The following RANBP2 variants were observed in gnomAD, a reference collection of about 807,000 sequenced individuals.
RANBP2 encodes E3 SUMO-protein ligase RanBP2.
In RANBP2, 57 loss-of-function variants were observed where a neutral mutation model predicts 303.6. The observed-to-expected ratio is 0.19, with a 90% CI of 0.15 to 0.23. The LOEUF (loss-of-function observed/expected upper bound fraction) is 0.23, where lower values mean the gene tolerates loss of function less well. Ranked by LOEUF, RANBP2 falls within the 10% of genes least tolerant of loss-of-function variation. The pLI, the probability that RANBP2 is intolerant of heterozygous loss-of-function variation, is 1.00. For synonymous variants in RANBP2, 1,167 were observed against 1,301.5 expected (o/e 0.90, Z 2.23); for missense variants, 3,138 against 3,780.8 (o/e 0.83, Z 4.46).
At chr2:108,962,621 G>A in the RANBP2 span, among the ~76,000 whole-genome samples, 2 of 144,352 alleles carry the variant, frequency 1.4e-5, no homozygotes, top group African/African-American at 5.2e-5. Context: ...CTTGCAGAGA[G>A]CCGAGATCGC....
chr2:109,426,578 T>G, the RANBP2 span, among the ~76,000 whole-genome samples: 1 of 152,176 alleles, frequency 6.6e-6, no homozygotes, highest in African/African-American at 2.4e-5. Flanking sequence ...AGAAAGTAGT[T>G]TCTTGAGATA....
At chr2:109,462,880 A>G in the RANBP2 span, among the ~76,000 whole-genome samples, 84,188 of 152,038 alleles carry the variant, frequency 0.55, 23,473 homozygotes, top group Admixed American at 0.57. Flanking sequence ...CCATAGTGAC[A>G]TTTGGCTCTC....
the RANBP2 span, among the ~76,000 whole-genome samples, chr2:109,350,535 G>C: frequency 4.3e-3 from 658 of 152,292 alleles, 2 homozygotes; most frequent in Non-Finnish European, 7.6e-3. Flanking sequence ...GGCGAGGTCG[G>C]GCAGAGATTG....
At chr2:109,079,750 C>T in the RANBP2 span, among the ~76,000 whole-genome samples, 3 of 152,204 alleles carry the variant, frequency 2.0e-5, no homozygotes, top group African/African-American at 7.2e-5. Context: ...CCACCCAGCT[C>T]AGCCTGGGTT....
At chr2:108,786,970 G>A (rs558688846), downstream of RANBP2, 72 of 1,256,056 alleles carry the variant, frequency 5.7e-5, no homozygotes, top group Non-Finnish European at 7.4e-5. Context: ...GGGGCGGCCC[G>A]CTCCGTGCCC....
At chr2:108,887,357 C>T in the RANBP2 span, among the ~76,000 whole-genome samples, 1 of 151,994 alleles carries the variant, frequency 6.6e-6, no homozygotes, top group Non-Finnish European at 1.5e-5. Flanking sequence ...TGACTTTGAG[C>T]TCTTTTTCTG....
chr2:108,794,503 A>C, the RANBP2 span: 1 of 1,547,222 alleles, frequency 6.5e-7, no homozygotes, highest in Non-Finnish European at 8.8e-7. Flanking sequence ...ACAATAAGTT[A>C]ATAAAGTTTA....
At chr2:109,048,761 T>C in the RANBP2 span, among the ~76,000 whole-genome samples, 1 of 152,216 alleles carries the variant, frequency 6.6e-6, no homozygotes, top group Admixed American at 6.5e-5. Context: ...TCACTTTTCA[T>C]GTGGGTTGGA....
chr2:109,118,372 C>T, the RANBP2 span, among the ~76,000 whole-genome samples: 1 of 151,890 alleles, frequency 6.6e-6, no homozygotes, highest in Non-Finnish European at 1.5e-5. Flanking sequence ...GATTTTCTGG[C>T]AAAGAGCAAA....
At chr2:108,831,737 C>CTTCCTTCCTTCCTTCT in the RANBP2 span, among the ~76,000 whole-genome samples, 7 of 151,798 alleles carry the variant, frequency 4.6e-5, no homozygotes, top group South Asian at 1.5e-3. Flanking sequence ...TCCTTCCTTC[C>CTTCCTTCCTTCCTTCT]GTCCTTCCTG....
chr2:109,569,365 AG>A, the RANBP2 span, among the ~76,000 whole-genome samples: 3 of 150,702 alleles, frequency 2.0e-5, no homozygotes, highest in South Asian at 6.3e-4. Flanking sequence ...CAGGAGGCAG[AG>A]GTTGCAGTGA....
At chr2:109,630,028 T>C in the RANBP2 span, among the ~76,000 whole-genome samples, 1 of 151,918 alleles carries the variant, frequency 6.6e-6, no homozygotes, top group Non-Finnish European at 1.5e-5. Context: ...ATAACTACAG[T>C]GCAAGAAAGA....
chr2:109,064,745 AT>A, the RANBP2 span, among the ~76,000 whole-genome samples: 1 of 152,148 alleles, frequency 6.6e-6, no homozygotes, highest in Admixed American at 6.5e-5. Flanking sequence ...TGTGGGTTGT[AT>A]TTGATGGATA....
At chr2:109,322,553 G>C in the RANBP2 span, among the ~76,000 whole-genome samples, 3,151 of 152,288 alleles carry the variant, frequency 0.021, 55 homozygotes, top group Non-Finnish European at 0.029. Flanking sequence ...GTGTAATAGT[G>C]TGCACTGATT....
chr2:109,606,081 C>CTA, the RANBP2 span, among the ~76,000 whole-genome samples: 1 of 152,172 alleles, frequency 6.6e-6, no homozygotes, highest in Non-Finnish European at 1.5e-5. Context: ...ATCCAAAAAA[C>CTA]TAGAGATAAC....
the RANBP2 span, among the ~76,000 whole-genome samples, chr2:109,284,688 A>T: frequency 1.3e-5 from 2 of 151,826 alleles, no homozygotes; most frequent in Non-Finnish European, 2.9e-5. Flanking sequence ...TTTTTTTGAG[A>T]CCCTTCCCAG....
chr2:109,665,105 A>G, the RANBP2 span: 1 of 152,220 alleles, frequency 6.6e-6, no homozygotes, highest in African/African-American at 2.4e-5. Context: ...GCATACATAC[A>G]TACTACCAGC....
chr2:109,468,509 G>A, the RANBP2 span, among the ~76,000 whole-genome samples: 1 of 152,126 alleles, frequency 6.6e-6, no homozygotes, highest in South Asian at 2.1e-4. Context: ...GAAGCAAAAT[G>A]TTTCCATGCG....
the RANBP2 span, among the ~76,000 whole-genome samples, chr2:109,565,003 C>T: frequency 2.6e-5 from 4 of 152,116 alleles, no homozygotes; most frequent in African/African-American, 4.8e-5. Flanking sequence ...TTATAGAACA[C>T]ATTTATGATC....
Sources: allele counts gnomAD v4.1 joint callset (sites outside exome capture counted in the v4.1 genomes callset), GRCh38; gene constraint gnomAD v4.1.1; transcripts MANE v1.5; gene names NCBI Gene and HGNC (gene_info 2026-07-23, HGNC 2026-07-21).